The following FUT8 variants were observed in gnomAD, a reference collection of about 807,000 sequenced individuals.
The protein encoded by FUT8 is alpha-(1,6)-fucosyltransferase.
A neutral mutation model predicts 71.3 loss-of-function variants in FUT8; 29 were observed. The ratio of observed to expected loss-of-function variants is 0.41; its 90% CI spans 0.30 to 0.55. FUT8 has a LOEUF of 0.55. FUT8 is among the 20% of genes least tolerant of loss of function. The pLI is 0.34. For synonymous variants in FUT8, 254 were observed against 239.3 expected (o/e 1.06, Z -0.57); for missense variants, 544 against 702.1 (o/e 0.77, Z 2.55).
rs961382101 is a variant in FUT8 at position 65,652,874 on chromosome 14, A to G, written c.598-16369A>G. 1.3e-5 allele frequency among the ~76,000 whole-genome samples: 2 copies of G among 152,230 alleles called. No homozygotes were observed. Among genetic ancestry groups the G allele is most frequent in the Non-Finnish European group, 2.9e-5 (2 of 68,050 alleles). Reference sequence around the variant, plus strand: ...AGCACATTCTCTTGGCTGATGCTGGAAAGAGCCAAACATTTGGAGCATGCG... The same window carrying G: ...AGCACATTCTCTTGGCTGATGCTGGGAAGAGCCAAACATTTGGAGCATGCG... On this transcript the variant is annotated intron_variant, in intron 6 of 10. Transcript: ENST00000673929. The surrounding 1 kb of genome is among the most constrained non-coding windows in gnomAD (Gnocchi z 4.0).
chr14:65,692,622 C>A (rs565991470), intron 7 of FUT8, among the ~76,000 whole-genome samples: 2 of 151,630 alleles, frequency 1.3e-5, no homozygotes, highest in African/African-American at 4.8e-5. Flanking sequence ...CCCCACCCCC[C>A]TCCCAGACGG....
intron 2 of FUT8, among the ~76,000 whole-genome samples, chr14:65,494,283 C>G (rs939662031): frequency 6.6e-6 from 1 of 152,082 alleles, no homozygotes; most frequent in Non-Finnish European, 1.5e-5. Context: ...TTCTTTTATT[C>G]ATATTAAGTC....
intron 3 of FUT8, among the ~76,000 whole-genome samples, chr14:65,575,582 T>TCCTTCTTTCCTTCCTTCCTTCCTTC (rs35174023): frequency 1.4e-5 from 1 of 72,750 alleles, no homozygotes; most frequent in Admixed American, 1.5e-4. Flanking sequence ...CTTCCTTCCT[T>TCCTTCTTTCCTTCCTTCCTTCCTTC]CTTCCTTCCT....
At chr14:65,679,874 A>G (rs1892954200) in intron 7 of FUT8, among the ~76,000 whole-genome samples, 1 of 152,004 alleles carries the variant, frequency 6.6e-6, no homozygotes, top group Admixed American at 6.6e-5. Context: ...CCCCCTACCT[A>G]TTTTTGTAAA....
intron 1 of FUT8, among the ~76,000 whole-genome samples, chr14:65,446,645 T>C (rs745445019): frequency 1.3e-5 from 2 of 151,642 alleles, no homozygotes; most frequent in Non-Finnish European, 2.9e-5. Flanking sequence ...ATACTGAAAT[T>C]GTTACATCTA....
chr14:65,579,505 T>A (rs572099804), intron 3 of FUT8, among the ~76,000 whole-genome samples: 1 of 152,170 alleles, frequency 6.6e-6, no homozygotes, highest in African/African-American at 2.4e-5. Flanking sequence ...GGTTAGTGTC[T>A]TATAAATAAG....
At chr14:65,495,677 A>T (rs2066547796) in intron 2 of FUT8, among the ~76,000 whole-genome samples, 1 of 152,214 alleles carries the variant, frequency 6.6e-6, no homozygotes, top group Non-Finnish European at 1.5e-5. Context: ...AGTTTTCTAT[A>T]TAATTTAGCA....
chr14:65,664,450 TG>T (rs1449254969), intron 6 of FUT8, among the ~76,000 whole-genome samples: 1 of 152,172 alleles, frequency 6.6e-6, no homozygotes, highest in Non-Finnish European at 1.5e-5. Flanking sequence ...CTCTACTACT[TG>T]ATTGTGGAAA....
chr14:65,431,314 T>C (rs2065470647), intron 1 of FUT8, among the ~76,000 whole-genome samples: 1 of 147,356 alleles, frequency 6.8e-6, no homozygotes, highest in African/African-American at 2.5e-5. Context: ...TTTTTTTTTT[T>C]TTTTTCTCTC....
At chr14:65,589,152 A>G (rs74058525) in intron 3 of FUT8, among the ~76,000 whole-genome samples, 1 of 152,168 alleles carries the variant, frequency 6.6e-6, no homozygotes, top group African/African-American at 2.4e-5. Context: ...AAATCCACCA[A>G]TGGGTACTGC....
chr14:65,426,260 G>A (rs1369431732), intron 1 of FUT8, among the ~76,000 whole-genome samples: 2 of 151,454 alleles, frequency 1.3e-5, no homozygotes, highest in African/African-American at 2.4e-5. Context: ...AATGTCCTTC[G>A]GGTTCATCCA....
chr14:65,697,456 C>G (rs1894049640), intron 7 of FUT8, among the ~76,000 whole-genome samples: 1 of 152,100 alleles, frequency 6.6e-6, no homozygotes, highest in Admixed American at 6.5e-5. Flanking sequence ...TTCTCTTCCC[C>G]CTGGTGGGTT....
intron 1 of FUT8, among the ~76,000 whole-genome samples, chr14:65,444,205 A>G (rs2065704264): frequency 6.6e-6 from 1 of 152,184 alleles, no homozygotes; most frequent in Admixed American, 6.5e-5. Flanking sequence ...GAGTACATAA[A>G]CCTATTTATC....
At chr14:65,630,646 G>T (rs1682711839) in intron 6 of FUT8, among the ~76,000 whole-genome samples, 3 of 152,160 alleles carry the variant, frequency 2.0e-5, no homozygotes, top group Admixed American at 6.5e-5. Flanking sequence ...GTTTGCTTTG[G>T]AAGTGAAGAG....
chr14:65,709,150 ATAAAT>A (rs745863417), intron 7 of FUT8, among the ~76,000 whole-genome samples: 9 of 152,230 alleles, frequency 5.9e-5, no homozygotes, highest in African/African-American at 9.6e-5. Flanking sequence ...TCAATTCAAA[ATAAAT>A]TAAAACAAAA....
chr14:65,707,279 C>T (rs1894600750), intron 7 of FUT8, among the ~76,000 whole-genome samples: 1 of 152,096 alleles, frequency 6.6e-6, no homozygotes, highest in Non-Finnish European at 1.5e-5. Context: ...TTCCATCTAT[C>T]TGTTGACCGT....
intron 1 of FUT8, among the ~76,000 whole-genome samples, chr14:65,415,620 T>A (rs2065208275): frequency 6.6e-6 from 1 of 152,098 alleles, no homozygotes; most frequent in South Asian, 2.1e-4. Flanking sequence ...AGTAGAATCT[T>A]ATATGGGCGA....
At chr14:65,362,575 T>C in the FUT8 span, among the ~76,000 whole-genome samples, 1 of 152,080 alleles carries the variant, frequency 6.6e-6, no homozygotes, top group Non-Finnish European at 1.5e-5. Flanking sequence ...TGATACGCAA[T>C]GCTAAACAAT....
At chr14:65,484,427 G>A (rs2066378360) in intron 2 of FUT8, among the ~76,000 whole-genome samples, 1 of 152,056 alleles carries the variant, frequency 6.6e-6, no homozygotes, top group Non-Finnish European at 1.5e-5. Flanking sequence ...CCTAGTTTGG[G>A]TAAAGTGTAA....
Sources: gnomAD v4.1 joint callset for allele counts (sites outside exome capture counted in the v4.1 genomes callset) on GRCh38, gnomAD v4.1.1 for gene constraint, Gnocchi (gnomAD v3.1) non-coding constraint, MANE v1.5 for transcripts, NCBI Gene and HGNC (gene_info 2026-07-23, HGNC 2026-07-21) for gene names.